CMIP: variants seen among roughly 807,000 people sequenced by gnomAD.
The protein encoded by CMIP is C-Maf-inducing protein.
Under a neutral mutation model 97.3 loss-of-function variants are expected in CMIP, and 13 were observed. The observed-to-expected ratio is 0.13, with a 90% CI of 0.09 to 0.21. CMIP has a LOEUF of 0.21. Among genes scored for constraint, CMIP ranks in the 10% least tolerant of loss-of-function variants. The pLI is 1.00. For missense variants in CMIP, 847 were observed against 1,024.9 expected, an observed-to-expected ratio of 0.83 and a Z score of 2.37; for synonymous variants, 538 against 436.3, an observed-to-expected ratio of 1.23 and a Z score of -2.91.
chr16:81,622,392 C>T (rs776871631), intron 3 of CMIP, among the ~76,000 whole-genome samples: 1 of 152,166 alleles, frequency 6.6e-6, no homozygotes, highest in Non-Finnish European at 1.5e-5. Context: ...GCCTGGGTCT[C>T]TCTTTGTGCC....
At chr16:81,693,723 C>T (rs974673676) in intron 13 of CMIP, among the ~76,000 whole-genome samples, 1 of 152,222 alleles carries the variant, frequency 6.6e-6, no homozygotes, top group African/African-American at 2.4e-5. Flanking sequence ...GTGGTTTCTG[C>T]CCGCAGCCGA....
intron 3 of CMIP, among the ~76,000 whole-genome samples, chr16:81,643,120 G>A (rs774378076): frequency 5.9e-5 from 9 of 152,174 alleles, no homozygotes; most frequent in African/African-American, 1.4e-4. Flanking sequence ...TGTGACCTGC[G>A]CAAGGTATGA....
At chr16:81,644,341 G>C (rs1215414947) in intron 3 of CMIP, among the ~76,000 whole-genome samples, 2 of 152,192 alleles carry the variant, frequency 1.3e-5, no homozygotes, top group Admixed American at 6.5e-5. Context: ...GACATGGATT[G>C]TGTGGGCTAG....
At chr16:81,642,353 C>T (rs368954894) in intron 3 of CMIP, among the ~76,000 whole-genome samples, 1 of 152,144 alleles carries the variant, frequency 6.6e-6, no homozygotes, top group Non-Finnish European at 1.5e-5. Flanking sequence ...TCAGAGTAGG[C>T]GTCCCTCCAC....
intron 1 of CMIP, among the ~76,000 whole-genome samples, chr16:81,545,290 G>C (rs2090525004): frequency 6.6e-6 from 1 of 152,216 alleles, no homozygotes; most frequent in Non-Finnish European, 1.5e-5. Context: ...TTCTAGAGAA[G>C]TCCTGCAGAC....
intron 1 of CMIP, among the ~76,000 whole-genome samples, chr16:81,481,872 G>T (rs189442442): frequency 6.9e-6 from 1 of 144,498 alleles, no homozygotes; most frequent in Non-Finnish European, 1.5e-5. Flanking sequence ...TGGCCCTCCC[G>T]CCTCCCTCTT....
chr16:81,501,635 G>A (rs1283031204), intron 1 of CMIP, among the ~76,000 whole-genome samples: 4 of 147,900 alleles, frequency 2.7e-5, no homozygotes, highest in Non-Finnish European at 6.0e-5. Flanking sequence ...TTTCTGAGAC[G>A]GTGTCTCGCT....
chr16:81,709,852 G>C lies in CMIP; in HGVS notation c.*53G>C. 1 of 1,466,570 alleles carries C rather than the reference G, an allele frequency of 6.8e-7. No homozygotes were observed. Among genetic ancestry groups the C allele is most frequent in the Non-Finnish European group, 9.2e-7 (1 of 1,088,724 alleles). 90.8% of individuals were successfully genotyped at this position (1,466,570 alleles called of 1,614,324 possible). A position where few individuals can be genotyped will look rare whatever the true frequency, so the allele number is the denominator to read the frequency against. On this transcript the variant is annotated 3_prime_UTR_variant, in exon 21 of 21. Coordinates refer to ENST00000537098, the MANE Select transcript of CMIP (RefSeq NM_198390.3). ...TTGCAACCGCGACAAAATAACTCTT[G>C]ACTAACAGCCGCAGAGCAGCCGGTC...
chr16:81,578,014 C>T (rs1366835693), intron 1 of CMIP, among the ~76,000 whole-genome samples: 6 of 144,756 alleles, frequency 4.1e-5, no homozygotes, highest in African/African-American at 1.3e-4. Context: ...ACCTTCATCA[C>T]CACCATCATC....
Position 81,687,105 on chromosome 16 carries a change from G to A in CMIP, c.1389-4670G>A, listed in dbSNP as rs184072999. Among the ~76,000 whole-genome samples, 1,221 of 152,322 alleles carry A rather than the reference G, an allele frequency of 8.0e-3. 20 individuals are homozygous for A. Among genetic ancestry groups the A allele is most frequent in the African/African-American group, 0.028 (1,146 of 41,570 alleles). On this transcript the variant is annotated intron_variant, in intron 10 of 20. Coordinates refer to ENST00000537098, the MANE Select transcript of CMIP (RefSeq NM_198390.3). ...GGCACTTGCTAGTCCCCCAGATGGA[G>A]ACTCAACATCCCTTCTGCTCTGAAG...
chr16:81,664,502 T>A, intron 7 of CMIP, 153 bp downstream of exon 7: 1 of 647,000 alleles, frequency 1.5e-6, no homozygotes, highest in Non-Finnish European at 2.6e-6. Context: ...TTAAGGACTT[T>A]TGGGGGTTTT....
chr16:81,612,961 ACT>A (rs2150949983), intron 2 of CMIP, among the ~76,000 whole-genome samples: 1 of 152,086 alleles, frequency 6.6e-6, no homozygotes, highest in East Asian at 1.9e-4. Flanking sequence ...CAGTATGGGG[ACT>A]CTGCACAGAA....
Position 81,478,506 on chromosome 16 carries a change from G to A in CMIP, c.300+32965G>A, listed in dbSNP as rs140728893. Among the ~76,000 whole-genome samples, 642 of 152,218 alleles carry A rather than the reference G, an allele frequency of 4.2e-3. 4 individuals are homozygous for A. Among genetic ancestry groups the A allele is most frequent in the South Asian group, 0.015 (72 of 4,812 alleles). On this transcript the variant is annotated intron_variant, in intron 1 of 20. Transcript: ENST00000537098. The stretch of plus-strand genomic sequence containing the variant: ...GTCAGTCAGGGAGGCCACCGAGTGC[G>A]TTCTAGATCCAGAAAGCACATTCAT...
intron 3 of CMIP, among the ~76,000 whole-genome samples, chr16:81,632,207 C>T (rs2092171676): frequency 6.6e-6 from 1 of 152,124 alleles, no homozygotes; most frequent in Non-Finnish European, 1.5e-5. Context: ...TGCCAGATAT[C>T]CCCTGCGAAC....
intron 7 of CMIP, among the ~76,000 whole-genome samples, chr16:81,667,779 AGAGAGAGAGAGAGAGAGAGAGTGT>A (rs1348143198): frequency 9.9e-6 from 1 of 101,020 alleles, no homozygotes; most frequent in Non-Finnish European, 2.1e-5. Flanking sequence ...AGAGAGAGAG[AGAGAGAGAGAGAGAGAGAGAGTGT>A]GTGTGTGTGT....
intron 13 of CMIP, among the ~76,000 whole-genome samples, chr16:81,695,048 A>T (rs75096386): frequency 1.5e-4 from 23 of 152,316 alleles, no homozygotes; most frequent in African/African-American, 5.5e-4. Flanking sequence ...AAGTGGCATC[A>T]GCTGCTTCTC....
At chr16:81,696,867 C>T (rs1178244239) in intron 14 of CMIP, 200 bp downstream of exon 14, 4 of 601,048 alleles carry the variant, frequency 6.7e-6, no homozygotes, top group East Asian at 2.8e-5. Context: ...TCTGAGGCTC[C>T]AAGCCAAGCA....
At chr16:81,484,688 A>G (rs1305014202) in intron 1 of CMIP, among the ~76,000 whole-genome samples, 2 of 152,138 alleles carry the variant, frequency 1.3e-5, no homozygotes, top group Non-Finnish European at 2.9e-5. Context: ...TGTAGACGCT[A>G]AGCGATGGAA....
chr16:81,596,901 A>G (rs1386939387), intron 1 of CMIP, among the ~76,000 whole-genome samples: 1 of 152,236 alleles, frequency 6.6e-6, no homozygotes, highest in East Asian at 1.9e-4. Flanking sequence ...GCACATGGTG[A>G]TGTACATTGA....
Sources: allele counts gnomAD v4.1 joint callset (sites outside exome capture counted in the v4.1 genomes callset), GRCh38; gene constraint gnomAD v4.1.1; transcripts MANE v1.5; gene names NCBI Gene and HGNC (gene_info 2026-07-23, HGNC 2026-07-21).